SPSB4: variants seen among roughly 807,000 people sequenced by gnomAD.
SPSB4 encodes the protein splA/ryanodine receptor domain and SOCS box containing 4, also known as SPRY domain-containing SOCS box protein 4.
In SPSB4, 21 loss-of-function variants were observed where a neutral mutation model predicts 20.9. The ratio of observed to expected loss-of-function variants is 1.01; its 90% CI spans 0.71 to 1.45. SPSB4 has a LOEUF of 1.45. SPSB4 is among the 40% of genes most tolerant of loss of function. The probability of loss-of-function intolerance (pLI) is 0.00; values close to 1 mark genes in which losing one functional copy is unlikely to be tolerated. For missense variants in SPSB4, 399 were observed against 399.2 expected (o/e 1.00, Z 0.00); for synonymous variants, 207 against 183.8 (o/e 1.13, Z -1.02).
rs1438421059 is a variant in SPSB4 at position 141,066,398 on chromosome 3, C to A, written c.294C>A (p.His98Gln). 4 of 1,537,044 alleles carry A rather than the reference C, an allele frequency of 2.6e-6. No homozygotes were observed. Among genetic ancestry groups the A allele is most frequent in the Admixed American group, 2.0e-5 (1 of 49,270 alleles). Residue 98 changes from histidine to glutamine, a missense_variant, in exon 2 of 3, where the codon CAC becomes CAA. Physicochemically the swap from His to Gln is conservative, Grantham distance 24. Transcript: ENST00000310546. Reference sequence around the variant, plus strand: ...AGGTGGGCCACGCCCGCGGCCTGCACGCCTGGCAGATCAACTGGCCGGCTC... The same window carrying A: ...AGGTGGGCCACGCCCGCGGCCTGCAAGCCTGGCAGATCAACTGGCCGGCTC... ...RGKVGHARGL[H>Q]AWQINWPARQ...
At chr3:141,093,024 G>A (rs1378234859) in intron 2 of SPSB4, among the ~76,000 whole-genome samples, 1 of 152,140 alleles carries the variant, frequency 6.6e-6, no homozygotes, top group Middle Eastern at 3.2e-3. Context: ...CTGCAGTACA[G>A]GCTTCAGGGT....
intron 1 of SPSB4, among the ~76,000 whole-genome samples, chr3:141,053,928 C>G (rs978653308): frequency 6.6e-6 from 1 of 152,166 alleles, no homozygotes; most frequent in Admixed American, 6.5e-5. Context: ...TTCCTCTCCC[C>G]CACTACCCAC....
chr3:141,126,873 G>A (rs777590189), intron 2 of SPSB4, among the ~76,000 whole-genome samples: 3 of 152,192 alleles, frequency 2.0e-5, no homozygotes, highest in Non-Finnish European at 4.4e-5. Flanking sequence ...AAAGATTCTG[G>A]CTTGGGCCTT....
At chr3:141,119,164 A>C (rs919163358) in intron 2 of SPSB4, among the ~76,000 whole-genome samples, 1 of 152,072 alleles carries the variant, frequency 6.6e-6, no homozygotes, top group Middle Eastern at 3.4e-3. Flanking sequence ...CTTTTATTTC[A>C]TTGAGCAGTG....
intron 2 of SPSB4, among the ~76,000 whole-genome samples, chr3:141,106,354 C>T (rs1308492646): frequency 6.6e-6 from 1 of 152,158 alleles, no homozygotes; most frequent in Non-Finnish European, 1.5e-5. Context: ...TAAGTGTGCA[C>T]CTTGGCCTGG....
At chr3:141,103,597 C>A (rs1938645103) in intron 2 of SPSB4, among the ~76,000 whole-genome samples, 1 of 152,190 alleles carries the variant, frequency 6.6e-6, no homozygotes, top group African/African-American at 2.4e-5. Context: ...TTACCTGCCT[C>A]CCATTCCCTC....
chr3:141,134,061 T>TC (rs1559856626), intron 2 of SPSB4, among the ~76,000 whole-genome samples: 2 of 142,756 alleles, frequency 1.4e-5, no homozygotes, highest in East Asian at 2.0e-4. Context: ...TTTTTCTTTT[T>TC]TTTTTTTTTT....
intron 2 of SPSB4, among the ~76,000 whole-genome samples, chr3:141,146,283 A>C (rs778542792): frequency 1.8e-4 from 28 of 152,150 alleles, no homozygotes; most frequent in Admixed American, 5.9e-4. Context: ...ATTTTTCCAG[A>C]ACTAGGTGCT....
intron 2 of SPSB4, chr3:141,117,285 C>T (rs1938893076): frequency 6.6e-6 from 1 of 152,182 alleles, no homozygotes; most frequent in Admixed American, 6.5e-5. Context: ...AGCAGCCTGC[C>T]CTGTAAAGCC....
chr3:141,056,473 T>C (rs938159325), intron 1 of SPSB4, among the ~76,000 whole-genome samples: 4 of 152,224 alleles, frequency 2.6e-5, no homozygotes, highest in African/African-American at 9.6e-5. Context: ...AGAGATACTG[T>C]AGGCTTAACA....
intron 1 of SPSB4, among the ~76,000 whole-genome samples, chr3:141,054,620 G>A (rs1302342454): frequency 6.6e-6 from 1 of 152,234 alleles, no homozygotes; most frequent in African/African-American, 2.4e-5. Flanking sequence ...ACTTTCCTAA[G>A]CAGTGTTGAT....
intron 2 of SPSB4, among the ~76,000 whole-genome samples, chr3:141,086,826 A>T (rs921861241): frequency 7.2e-5 from 11 of 152,190 alleles, no homozygotes; most frequent in African/African-American, 2.4e-4. Context: ...TCATAAGAAC[A>T]CTATAGAGGC....
At chr3:141,130,017 CAG>C (rs1308057033) in intron 2 of SPSB4, among the ~76,000 whole-genome samples, 1 of 152,188 alleles carries the variant, frequency 6.6e-6, no homozygotes, top group Non-Finnish European at 1.5e-5. Flanking sequence ...GCTGGGGAAA[CAG>C]TGAAGCTTGT....
intron 2 of SPSB4, among the ~76,000 whole-genome samples, chr3:141,101,302 A>T (rs1938609619): frequency 6.6e-6 from 1 of 152,196 alleles, no homozygotes; most frequent in Admixed American, 6.5e-5. Flanking sequence ...TCCCCTCAGC[A>T]TCGCACTAAG....
At chr3:141,053,450 G>A (rs1936130844) in intron 1 of SPSB4, among the ~76,000 whole-genome samples, 3 of 151,898 alleles carry the variant, frequency 2.0e-5, no homozygotes, top group South Asian at 2.1e-4. Flanking sequence ...TGTATTTCTC[G>A]TTTATTTTAA....
intron 2 of SPSB4, among the ~76,000 whole-genome samples, chr3:141,112,772 G>GCTCCT (rs1938823330): frequency 6.6e-6 from 1 of 151,716 alleles, no homozygotes. Flanking sequence ...GCCAGACCTT[G>GCTCCT]CTCCTCTCAG....
At chr3:141,087,655 C>A (rs1938370934) in intron 2 of SPSB4, among the ~76,000 whole-genome samples, 1 of 152,146 alleles carries the variant, frequency 6.6e-6, no homozygotes, top group Non-Finnish European at 1.5e-5. Context: ...CAAGTGGTGG[C>A]TTGAGGTTGC....
chr3:141,100,815 G>A (rs980470062), intron 2 of SPSB4, among the ~76,000 whole-genome samples: 1 of 152,148 alleles, frequency 6.6e-6, no homozygotes, highest in African/African-American at 2.4e-5. Flanking sequence ...CTGGGGTGTG[G>A]TAGCCCTCGG....
At chr3:141,080,118 T>C (rs78046739) in intron 2 of SPSB4, among the ~76,000 whole-genome samples, 3,815 of 152,318 alleles carry the variant, frequency 0.025, 203 homozygotes, top group Admixed American at 0.13. Flanking sequence ...TGGCATGTTG[T>C]TGGAACTTTG....
Sources: gnomAD v4.1 joint callset for allele counts (sites outside exome capture counted in the v4.1 genomes callset) on GRCh38, gnomAD v4.1.1 for gene constraint, MANE v1.5 for transcripts, NCBI Gene and HGNC (gene_info 2026-07-23, HGNC 2026-07-21) for gene names.